The following CENPE variants were observed in gnomAD, a reference collection of about 807,000 sequenced individuals.
CENPE encodes the protein centromere-associated protein E.
CENPE carries 145 observed loss-of-function variants against 336.1 expected under a neutral mutation model. That is an observed-to-expected ratio of 0.43 (90% CI 0.38 to 0.50). The LOEUF (loss-of-function observed/expected upper bound fraction) is 0.50. Ranked by LOEUF, CENPE falls within the 20% of genes least tolerant of loss-of-function variation. The pLI is 0.00. For synonymous variants in CENPE, 1,013 were observed against 984.8 expected (o/e 1.03, Z -0.54); for missense variants, 2,719 against 3,023.3 (o/e 0.90, Z 2.36).
intron 28 of CENPE, 40 bp from the exon 29 acceptor site, chr4:103,147,686 A>G: frequency 6.5e-7 from 1 of 1,538,014 alleles, no homozygotes; most frequent in Non-Finnish European, 8.7e-7. Flanking sequence ...CTATCAGGAG[A>G]TTATGATCAT....
At chr4:103,147,303 G>T (rs1035531345) in intron 29 of CENPE, 53 bp downstream of exon 29, 8 of 1,429,904 alleles carry the variant, frequency 5.6e-6, no homozygotes, top group Non-Finnish European at 7.6e-6. Flanking sequence ...ACAAACACAA[G>T]CCTTGATTCT....
At position 103,193,954 on chromosome 4, in the gene CENPE, G is replaced by T. The variant is rs77672316; in HGVS notation, c.693+275C>A. Among the ~76,000 whole-genome samples the T allele has an allele frequency of 0.05, 7,665 of 151,836 alleles. 328 individuals carry two copies. Among genetic ancestry groups the T allele is most frequent in the Admixed American group, 0.11 (1,616 of 15,274 alleles). ...AGAAAAAAATTCTACTGCATTAGTG[G>T]TTAGAAAAAACATCAATTCCTATAA... is the stretch of plus-strand genomic sequence containing the variant. On this transcript the variant is annotated intron_variant, in intron 8 of 48. Coordinates refer to ENST00000265148, the MANE Select transcript of CENPE (RefSeq NM_001813.3).
intron 16 of CENPE, among the ~76,000 whole-genome samples, chr4:103,171,797 TA>T (rs1305145850): frequency 6.9e-6 from 1 of 144,962 alleles, no homozygotes; most frequent in Non-Finnish European, 1.5e-5. Flanking sequence ...AAATCAGAAA[TA>T]AAAAAGGAGA....
Position 103,191,036 on chromosome 4 carries a change from A to G in CENPE, c.693+3193T>C, listed in dbSNP as rs1285352025. Among the ~76,000 whole-genome samples the G allele has an allele frequency of 2.0e-5, 3 of 152,198 alleles. No individual in the cohort carries two copies. The East Asian group carries it at 5.8e-4, about 29-fold the overall frequency. On this transcript the variant is annotated intron_variant, in intron 8 of 48. Transcript: ENST00000265148. The stretch of plus-strand genomic sequence containing the variant: ...GAAGACATTTATGCAGCCAAAAGAC[A>G]CACGAAAAAATGCTCATCATCACTG...
At position 103,108,939 on chromosome 4, in the gene CENPE, T is replaced by A. The variant is rs141957526; in HGVS notation, c.7875A>T (p.Gln2625His). The part of the protein sequence containing the change: ...ASKKKQITPS[Q>H]CKERNLQDPV... ...GATCTTGTAAATTCCGTTCCTTGCA[T>A]TGAGAGGGTGTAATTTGTTTCTTTT... Residue 2625 changes from glutamine to histidine, a missense_variant, in exon 48 of 49, where the codon CAA becomes CAT. Gln to His is a conservative substitution (Grantham distance 24). Transcript: ENST00000265148. 6.2e-7 allele frequency: 1 copy of A among 1,613,936 alleles called. No homozygotes were observed. The highest frequency in any genetic ancestry group is 8.5e-7 in the Non-Finnish European group (1 of 1,179,866).
rs773390883 is a variant in CENPE, at chr4:103,143,253, C to A, written c.5299G>T (p.Ala1767Ser). The A allele has an allele frequency of 1.3e-6, 2 of 1,583,508 alleles. No individual in the cohort carries two copies. The highest frequency in any genetic ancestry group is 1.7e-6 in the Non-Finnish European group (2 of 1,168,018). ...DLEHSNDALK[A>S]QDLKIQEELR... ...ATAACTTAAAAATAAAATACCTGTG[C>A]TTTTAAGGCATCATTTGAGTGTTCT... The change falls in exon 34 of 49, where the codon GCA (alanine) becomes TCA (serine). Residue 1767 changes from alanine to serine, a missense_variant. Ala to Ser is a moderately conservative substitution (Grantham distance 99). Around this residue, in one of 5 missense-constraint regions of CENPE, gnomAD observed 2,437 missense variants for 2,513.3 expected, o/e 0.97. Coordinates refer to ENST00000265148, the MANE Select transcript of CENPE (RefSeq NM_001813.3).
intron 42 of CENPE, among the ~76,000 whole-genome samples, chr4:103,127,097 T>TAAAAAAAAA (rs768685995): frequency 4.4e-4 from 33 of 74,800 alleles, no homozygotes; most frequent in Middle Eastern, 9.8e-3. Flanking sequence ...GGGACAAATA[T>TAAAAAAAAA]AAAAAAAAAA....
intron 46 of CENPE, among the ~76,000 whole-genome samples, chr4:103,112,398 TAC>T (rs1182826517): frequency 7.0e-6 from 1 of 143,154 alleles, no homozygotes; most frequent in Non-Finnish European, 1.5e-5. Context: ...CGCACAAATA[TAC>T]ACTTACATAT....
chr4:103,144,664 A>C, intron 32 of CENPE, 46 bp from the exon 33 acceptor site: 1 of 1,307,046 alleles, frequency 7.7e-7, no homozygotes, highest in Non-Finnish European at 1.1e-6. Context: ...GAATTTTTTT[A>C]GGAAAAGGAA....
In CENPE at chr4:103,108,030, G is replaced by C. The variant is rs534968371; in HGVS notation, c.8011+773C>G. ...CACAAGCTTGTACTCACTGTGCTCT[G>C]ACCACACCATATTTCTTTCAACTCT... On this transcript the variant is annotated intron_variant, in intron 48 of 48. Transcript: ENST00000265148. 9.2e-5 allele frequency among the ~76,000 whole-genome samples: 14 copies of C among 152,078 alleles called. No individual in the cohort carries two copies. In the South Asian group the frequency reaches 2.9e-3, roughly 32 times the overall value.
At chr4:103,165,351 G>A (rs974811572) in intron 16 of CENPE, among the ~76,000 whole-genome samples, 1 of 152,046 alleles carries the variant, frequency 6.6e-6, no homozygotes, top group African/African-American at 2.4e-5. Flanking sequence ...CTCATTCCTC[G>A]AGTATGGTGA....
intron 25 of CENPE, 69 bp downstream of exon 25, chr4:103,152,978 A>C (rs1753681331): frequency 1.8e-6 from 2 of 1,138,164 alleles, no homozygotes; most frequent in African/African-American, 3.1e-5. Context: ...ATACCTCAAT[A>C]AAGTTGATAA....
In CENPE at chr4:103,145,665, T is replaced by C; in HGVS notation, c.4430A>G (p.Glu1477Gly). 1.3e-6 allele frequency: 2 copies of C among 1,594,726 alleles called. No homozygotes were observed. The highest frequency in any genetic ancestry group is 1.7e-6 in the Non-Finnish European group (2 of 1,174,734). Residue 1477 changes from glutamate to glycine, a missense_variant, in exon 31 of 49, where the codon GAG (glutamate) becomes GGG (glycine). Physicochemically the swap from Glu to Gly is moderately conservative, Grantham distance 98. Around this residue, in one of 5 missense-constraint regions of CENPE, gnomAD observed 2,437 missense variants for 2,513.3 expected, o/e 0.97. Transcript: ENST00000265148. ...GCAACAATGAGCAACTTTAAGTTCCTCTTCAGTTTCCAGGTGCTTTATTAT... is the reference window on the plus strand; with the variant it reads ...GCAACAATGAGCAACTTTAAGTTCCCCTTCAGTTTCCAGGTGCTTTATTAT... Reference protein sequence around the residue: ...EIVAKHLETEEELKVAHCCLK... With the variant: ...EIVAKHLETEGELKVAHCCLK...
Position 103,159,228 on chromosome 4 carries a change from G to A in CENPE, c.2383C>T (p.Leu795Phe), listed in dbSNP as rs1258162915. ...TCTTTTGTTTTCCCAATTTCTTCAA[G>A]TAAACCTTGAACTCTACTCTCCTTA... ...VHKESRVQGLLEEIGKTKDDL... is the reference protein window; with the variant it reads ...VHKESRVQGLFEEIGKTKDDL... Residue 795 changes from leucine to phenylalanine, a missense_variant, in exon 22 of 49, where the codon CTT becomes TTT. Coordinates refer to ENST00000265148, the MANE Select transcript of CENPE (RefSeq NM_001813.3). 1 of 1,611,990 alleles carries A rather than the reference G, an allele frequency of 6.2e-7. No homozygotes were observed. The highest frequency in any genetic ancestry group is 1.7e-5 in the Admixed American group (1 of 59,808).
At position 103,183,013 on chromosome 4, in the gene CENPE, T is replaced by C. The variant is rs1037984656; in HGVS notation, c.834-122A>G. 3.9e-5 allele frequency: 41 copies of C among 1,061,624 alleles called. 1 individual carries two copies. The highest frequency in any genetic ancestry group is 5.5e-5 in the Non-Finnish European group (41 of 748,392). 65.8% of individuals were successfully genotyped at this position (1,061,624 alleles called of 1,614,324 possible). ...TTCAAAAATTAGTTTACAAGTTATA[T>C]GAGGCAGATTAAAACTACTAAAAAA... is the stretch of plus-strand genomic sequence containing the variant. On this transcript the variant is annotated intron_variant, in intron 10 of 48. Coordinates refer to ENST00000265148, the MANE Select transcript of CENPE (RefSeq NM_001813.3).
At position 103,147,557 on chromosome 4, in the gene CENPE, T is replaced by C. The variant is rs900666859; in HGVS notation, c.3933A>G (p.Leu1311=). 2 of 1,614,062 alleles carry C rather than the reference T, an allele frequency of 1.2e-6. No homozygotes were observed. The highest frequency in any genetic ancestry group is 3.3e-5 in the Admixed American group (2 of 60,020). ...AGTCCTTGGTTGTGGACTGTTCTGTTAATAACTCCAGTTCATTCATTGTTT... is the reference window on the plus strand; with the variant it reads ...AGTCCTTGGTTGTGGACTGTTCTGTCAATAACTCCAGTTCATTCATTGTTT... ...TQETMNELEL[L]TEQSTTKDST... The change falls in exon 29 of 49, where the codon TTA becomes TTG. Residue 1311 remains leucine, a synonymous_variant. Transcript: ENST00000265148.
intron 41 of CENPE, 87 bp from the exon 42 acceptor site, chr4:103,132,983 T>TATATATATATATATATATAA (rs1185133774): frequency 1.4e-4 from 26 of 191,162 alleles, no homozygotes; most frequent in Admixed American, 1.9e-4. Context: ...TATATATATA[T>TATATATATATATATATATAA]AAAATAAAAA....
intron 18 of CENPE, among the ~76,000 whole-genome samples, chr4:103,162,442 C>A (rs1342306695): frequency 6.6e-6 from 1 of 152,076 alleles, no homozygotes; most frequent in African/African-American, 2.4e-5. Flanking sequence ...GATCTTATAT[C>A]AACTAAAATC....
chr4:103,185,936 T>G lies in CENPE; in HGVS notation c.694-75A>C, dbSNP rs571217552. On this transcript the variant is annotated intron_variant, in intron 8 of 48. Coordinates refer to ENST00000265148, the MANE Select transcript of CENPE (RefSeq NM_001813.3). ...AAAATTCAAACTACTGAAAGAACATTTTTAATACATGGTATATCTGAATAT... is the reference window on the plus strand; with the variant it reads ...AAAATTCAAACTACTGAAAGAACATGTTTAATACATGGTATATCTGAATAT... 1.5e-5 allele frequency: 14 copies of G among 935,526 alleles called. No homozygotes were observed. The African/African-American group carries it at 2.3e-4, about 15-fold the overall frequency. The allele number at this position is 935,526 out of a possible 1,614,324, so 58.0% of individuals were successfully genotyped here.
Sources: allele counts gnomAD v4.1 joint callset (sites outside exome capture counted in the v4.1 genomes callset), GRCh38; gene constraint gnomAD v4.1.1; regional missense constraint gnomAD v4.1.1; transcripts MANE v1.5; gene names NCBI Gene and HGNC (gene_info 2026-07-23, HGNC 2026-07-21).